PHKA1: variants seen among roughly 807,000 people sequenced by gnomAD.
The protein encoded by PHKA1 is phosphorylase kinase regulatory subunit alpha 1, also known as phosphorylase b kinase regulatory subunit alpha, skeletal muscle isoform.
Under a neutral mutation model 110.2 loss-of-function variants are expected in PHKA1, and 60 were observed. That is an observed-to-expected ratio of 0.54 (90% CI 0.44 to 0.68). The LOEUF (loss-of-function observed/expected upper bound fraction) is 0.68, where lower values mean the gene tolerates loss of function less well. Ranked by LOEUF, PHKA1 falls within the 30% of genes least tolerant of loss-of-function variation. PHKA1 has a pLI of 0.00. For missense variants in PHKA1, 801 were observed against 942.5 expected (o/e 0.85, Z 1.97); for synonymous variants, 316 against 333.6 (o/e 0.95, Z 0.58).
At chrX:72,622,375 A>G in intron 18 of PHKA1, 2 of 754,358 alleles carry the variant, frequency 2.7e-6, no homozygotes. Flanking sequence ...TCAAATACCC[A>G]GACAATGAAA....
At chrX:72,703,458 C>T (rs782224332) in intron 3 of PHKA1, among the ~76,000 whole-genome samples, 2 of 111,134 alleles carry the variant, frequency 1.8e-5, no homozygotes, top group Admixed American at 9.6e-5. Flanking sequence ...GTGGGAGGAT[C>T]GCTTGAGCCC....
intron 3 of PHKA1, among the ~76,000 whole-genome samples, chrX:72,702,683 T>A (rs1347011732): frequency 9.0e-6 from 1 of 111,487 alleles, no homozygotes; most frequent in Non-Finnish European, 1.9e-5. Flanking sequence ...GTCCTACTCA[T>A]GAGAGATCAG....
chrX:72,658,542 T>C (rs2053524544), intron 8 of PHKA1, among the ~76,000 whole-genome samples: 1 of 111,020 alleles, frequency 9.0e-6, no homozygotes, highest in South Asian at 3.9e-4. Context: ...TGTCCTTTTT[T>C]CTGTTCTAGG....
chrX:72,650,867 G>A (rs781894508), intron 12 of PHKA1, among the ~76,000 whole-genome samples: 5 of 111,381 alleles, frequency 4.5e-5, no homozygotes, highest in South Asian at 7.7e-4. Flanking sequence ...GACCACAGGC[G>A]TGTGCCACCA....
intron 6 of PHKA1, among the ~76,000 whole-genome samples, chrX:72,675,629 G>A (rs782439037): frequency 9.0e-6 from 1 of 110,754 alleles, no homozygotes; most frequent in East Asian, 2.8e-4. Context: ...GTAGAGCCAA[G>A]TTGAATAGTA....
chrX:72,682,170 T>G (rs1479235282), intron 5 of PHKA1, among the ~76,000 whole-genome samples: 16 of 68,736 alleles, frequency 2.3e-4, no homozygotes, highest in Admixed American at 5.0e-4. Flanking sequence ...GAGGAGCCCC[T>G]CTGCCCGGCC....
intron 3 of PHKA1, among the ~76,000 whole-genome samples, chrX:72,701,994 G>A (rs1403103294): frequency 1.2e-4 from 13 of 111,398 alleles, no homozygotes; most frequent in Non-Finnish European, 2.4e-4. Flanking sequence ...AGTTTGGATG[G>A]AATTCTAATT....
intron 25 of PHKA1, among the ~76,000 whole-genome samples, chrX:72,604,666 AC>A (rs1337038574): frequency 9.0e-6 from 1 of 111,662 alleles, no homozygotes; most frequent in Non-Finnish European, 1.9e-5. Flanking sequence ...TCAAACAAAT[AC>A]TAATGGAATA....
intron 10 of PHKA1, among the ~76,000 whole-genome samples, chrX:72,655,422 A>G (rs2053481028): frequency 9.0e-6 from 1 of 111,720 alleles, no homozygotes; most frequent in African/African-American, 3.3e-5. Context: ...CTTAAAAATG[A>G]CAACAAAAAA....
At position 72,667,225 on chromosome X, in the gene PHKA1, A is replaced by G; in HGVS notation, c.717+150T>C. ...TGCTATATTTGGCTTATCTCAGTAT[A>G]GTATGCTTGTTAAATATATTTTTGG... On this transcript the variant is annotated intron_variant, in intron 7 of 31. Coordinates refer to ENST00000373542, the MANE Select transcript of PHKA1 (RefSeq NM_002637.4). 4 of 502,006 alleles carry G rather than the reference A, an allele frequency of 8.0e-6. No homozygotes were observed. The South Asian group carries it at 1.1e-4, about 14-fold the overall frequency. 41.4% of individuals were successfully genotyped at this position (502,006 alleles called of 1,213,427 possible).
At chrX:72,664,335 G>A (rs948833354) in intron 8 of PHKA1, among the ~76,000 whole-genome samples, 1 of 110,726 alleles carries the variant, frequency 9.0e-6, no homozygotes. Context: ...AGACAAAGAA[G>A]GTCATTATAT....
At position 72,652,572 on chromosome X, in the gene PHKA1, A is replaced by G; in HGVS notation, c.1217T>C (p.Leu406Pro). 8.4e-7 allele frequency: 1 copy of G among 1,184,141 alleles called. No individual in the cohort carries two copies. Among genetic ancestry groups the G allele is most frequent in the Non-Finnish European group, 1.1e-6 (1 of 870,456 alleles). ...GKLPHMWGQS[L>P]YILGSLMAEG... The stretch of plus-strand genomic sequence containing the variant: ...TGCCATCAAGCTTCCTAAAATGTAT[A>G]GAGACTGACCCCACATGTGAGGCAA... Residue 406 changes from leucine (L) to proline (P), a missense_variant, in exon 12 of 32, where the codon CTA (leucine) becomes CCA (proline). This residue lies in a region of PHKA1 where 299 missense variants were observed against 423.3 expected (regional missense o/e 0.71). Coordinates refer to ENST00000373542, the MANE Select transcript of PHKA1 (RefSeq NM_002637.4).
intron 10 of PHKA1, 102 bp from the exon 11 acceptor site, chrX:72,653,632 A>T: frequency 1.9e-6 from 1 of 537,667 alleles, no homozygotes; most frequent in African/African-American, 2.3e-5. Context: ...AAAGGAGCTT[A>T]TTCACCCAGT....
At chrX:72,599,299 T>G (rs2052628345) in intron 28 of PHKA1, among the ~76,000 whole-genome samples, 1 of 111,879 alleles carries the variant, frequency 8.9e-6, no homozygotes, top group African/African-American at 3.2e-5. Flanking sequence ...ATTATGAGTC[T>G]TTGATTTAAA....
At chrX:72,670,869 T>C (rs2053684843) in intron 6 of PHKA1, among the ~76,000 whole-genome samples, 1 of 111,808 alleles carries the variant, frequency 8.9e-6, no homozygotes, top group Admixed American at 9.5e-5. Flanking sequence ...GAAAGGGCCT[T>C]TGACAAAATT....
intron 18 of PHKA1, chrX:72,622,203 G>T: frequency 1.3e-6 from 1 of 753,063 alleles, no homozygotes; most frequent in Non-Finnish European, 1.6e-6. Context: ...TAAATGTCGG[G>T]CCCAAAAAAG....
chrX:72,583,350 T>C (rs781861959), intron 30 of PHKA1, among the ~76,000 whole-genome samples: 1 of 112,250 alleles, frequency 8.9e-6, no homozygotes, highest in African/African-American at 3.2e-5. Context: ...TAAGGCCAAA[T>C]TTAAAAATGT....
Position 72,619,304 on chromosome X carries a change from A to T in PHKA1, c.2139T>A (p.Asn713Lys), listed in dbSNP as rs1556274139. ...VTKAKELHVQ[N>K]VHMYLPTKLF... ...ACTTCGTAGGAAGATACATGTGAAC[A>T]TCTGCAAAAATATGACATTTATGGG... is the stretch of plus-strand genomic sequence containing the variant. The change falls in exon 20 of 32, where the codon AAT becomes AAA. Residue 713 changes from asparagine (N) to lysine (K), a missense_variant and splice_region_variant. Asn to Lys is a moderately conservative substitution (Grantham distance 94, BLOSUM62 0). Transcript: ENST00000373542. 2.7e-6 allele frequency: 3 copies of T among 1,119,972 alleles called. No homozygotes were observed. The highest frequency in any genetic ancestry group is 3.7e-6 in the Non-Finnish European group (3 of 814,439). 92.3% of individuals were successfully genotyped at this position (1,119,972 alleles called of 1,213,427 possible).
chrX:72,627,811 C>CTTTTTTT (rs1160541868), intron 16 of PHKA1, among the ~76,000 whole-genome samples: 8 of 67,867 alleles, frequency 1.2e-4, no homozygotes, highest in Middle Eastern at 0.011. Flanking sequence ...TTTTCCTACA[C>CTTTTTTT]TTTTTTTTTT....
Sources: gnomAD v4.1 joint callset for allele counts (sites outside exome capture counted in the v4.1 genomes callset) on GRCh38, gnomAD v4.1.1 for gene constraint, gnomAD v4.1.1 regional missense constraint, MANE v1.5 for transcripts, NCBI Gene and HGNC (gene_info 2026-07-23, HGNC 2026-07-21) for gene names.